Variants in ROR2 observed in about 807,000 individuals in gnomAD.
ROR2 encodes the protein ROR family WNT receptor 2, also known as tyrosine-protein kinase transmembrane receptor ROR2.
Under a neutral mutation model 74.9 loss-of-function variants are expected in ROR2, and 33 were observed. That is an observed-to-expected ratio of 0.44 (90% CI 0.33 to 0.59). ROR2 has a LOEUF of 0.59. Among genes scored for constraint, ROR2 ranks in the 20% least tolerant of loss-of-function variants. The probability of loss-of-function intolerance (pLI) is 0.02; values close to 1 mark genes in which losing one functional copy is unlikely to be tolerated. For missense variants in ROR2, 1,216 were observed against 1,313.8 expected (o/e 0.93, Z 1.15); for synonymous variants, 586 against 558.7 (o/e 1.05, Z -0.69).
At chr9:91,807,669 G>C (rs1827611172) in intron 1 of ROR2, among the ~76,000 whole-genome samples, 1 of 152,158 alleles carries the variant, frequency 6.6e-6, no homozygotes, top group African/African-American at 2.4e-5. Flanking sequence ...AGTGTCTAAA[G>C]TGGACTGGAG....
chr9:91,786,193 GGT>G (rs1292727689), intron 1 of ROR2, among the ~76,000 whole-genome samples: 2 of 148,982 alleles, frequency 1.3e-5, no homozygotes, highest in African/African-American at 4.9e-5. Flanking sequence ...CAGGTATGGT[GGT>G]GTGCATTTGT....
At chr9:91,906,367 C>T (rs1386949957) in intron 1 of ROR2, among the ~76,000 whole-genome samples, 1 of 152,196 alleles carries the variant, frequency 6.6e-6, no homozygotes, top group Non-Finnish European at 1.5e-5. Flanking sequence ...GGAAAGTCTG[C>T]GCATTTGAGG....
intron 1 of ROR2, among the ~76,000 whole-genome samples, chr9:91,826,050 G>A (rs7852044): frequency 6.6e-6 from 1 of 152,180 alleles, no homozygotes; most frequent in Non-Finnish European, 1.5e-5. Flanking sequence ...AAGGAATGTC[G>A]ATGTCTTATG....
In ROR2 at chr9:91,757,357, G is replaced by T; in HGVS notation, c.378C>A (p.Asp126Glu). The part of the protein sequence containing the change: ...YGSRLRIQDL[D>E]TTDTGYYQCV... ...ACTGGTAGTAGCCAGTGTCTGTCGT[G>T]TCCAGGTCCTGGATTCGCAGTCGTG... The change falls in exon 3 of 9, where the codon GAC becomes GAA. Residue 126 changes from aspartate to glutamate, a missense_variant. Transcript: ENST00000375708. The T allele has an allele frequency of 6.2e-7, 1 of 1,613,978 alleles. No homozygotes were observed.
At chr9:91,734,302 C>A (rs1473690479) in intron 5 of ROR2, among the ~76,000 whole-genome samples, 1 of 152,174 alleles carries the variant, frequency 6.6e-6, no homozygotes, top group Non-Finnish European at 1.5e-5. Flanking sequence ...TGGCTTACAA[C>A]AATTGAGCTT....
chr9:91,753,874 T>C (rs1825661933), intron 4 of ROR2, among the ~76,000 whole-genome samples: 1 of 152,240 alleles, frequency 6.6e-6, no homozygotes. Flanking sequence ...TATTGTCAAA[T>C]AGCACTCCAG....
intron 1 of ROR2, among the ~76,000 whole-genome samples, chr9:91,827,616 G>A (rs1409469867): frequency 6.6e-6 from 1 of 152,170 alleles, no homozygotes; most frequent in African/African-American, 2.4e-5. Flanking sequence ...GGAGCAGGGG[G>A]TGGGTTCAGG....
chr9:91,826,177 C>G (rs993525590), intron 1 of ROR2, among the ~76,000 whole-genome samples: 10 of 152,190 alleles, frequency 6.6e-5, no homozygotes, highest in African/African-American at 1.9e-4. Flanking sequence ...CTTCAGTTTT[C>G]TCATCTACAG....
chr9:91,855,213 A>G (rs1174103714), intron 1 of ROR2, among the ~76,000 whole-genome samples: 3 of 152,184 alleles, frequency 2.0e-5, no homozygotes, highest in Admixed American at 2.0e-4. Context: ...AGGCTGGAGG[A>G]AGCTCCTGCT....
At position 91,724,052 on chromosome 9, in the gene ROR2, C is replaced by T. The variant is rs185808139; in HGVS notation, c.2442G>A (p.Pro814=). ...MKGQIRPMVP[P]PQLYVPVNGY... is the part of the protein sequence containing the mutation. Reference sequence around the variant, plus strand: ...CGTTGACGGGGACGTAGAGCTGCGGCGGGGGCACCATGGGTCTGATCTGGC... The same window carrying T: ...CGTTGACGGGGACGTAGAGCTGCGGTGGGGGCACCATGGGTCTGATCTGGC... The change falls in exon 9 of 9, where the codon CCG becomes CCA. Residue 814 remains proline (P), a synonymous_variant. Transcript: ENST00000375708. 4.5e-5 allele frequency: 72 copies of T among 1,610,930 alleles called. No individual in the cohort carries two copies. The African/African-American group carries it at 7.1e-4, about 16-fold the overall frequency.
chr9:91,772,650 T>C (rs1360116359), intron 2 of ROR2, among the ~76,000 whole-genome samples: 1 of 152,228 alleles, frequency 6.6e-6, no homozygotes, highest in Non-Finnish European at 1.5e-5. Flanking sequence ...GGGCCACCTT[T>C]AGCGTCCGTG....
At chr9:91,942,585 A>C (rs1206394100) in intron 1 of ROR2, among the ~76,000 whole-genome samples, 1 of 151,806 alleles carries the variant, frequency 6.6e-6, no homozygotes, top group Non-Finnish European at 1.5e-5. Flanking sequence ...CCTCCCACTT[A>C]GGTTTTGTAG....
At chr9:91,891,900 T>C (rs952391103) in intron 1 of ROR2, among the ~76,000 whole-genome samples, 4 of 151,950 alleles carry the variant, frequency 2.6e-5, no homozygotes, top group Admixed American at 6.5e-5. Context: ...ATACAAAAAT[T>C]AGCCAGGCGT....
chr9:91,948,615 G>A, intron 1 of ROR2: 1 of 985,478 alleles, frequency 1.0e-6, no homozygotes, highest in Non-Finnish European at 1.2e-6. Flanking sequence ...ACCTTGGGCC[G>A]GCTAGGGCGG....
rs150775867 is a variant in ROR2 at position 91,763,540 on chromosome 9, C to A, written c.176-5981G>T. On this transcript the variant is annotated intron_variant, in intron 2 of 8. Coordinates refer to ENST00000375708, the MANE Select transcript of ROR2 (RefSeq NM_004560.4). ...TAGGTGCTGCGCTACAGTTTTAGTTCGCATCTTATGAATTCCTCGTGAGCT... is the reference window on the plus strand; with the variant it reads ...TAGGTGCTGCGCTACAGTTTTAGTTAGCATCTTATGAATTCCTCGTGAGCT... 5.3e-3 allele frequency among the ~76,000 whole-genome samples: 809 copies of A among 152,250 alleles called. 7 individuals are homozygous for A. Among genetic ancestry groups the A allele is most frequent in the South Asian group, 0.04 (192 of 4,830 alleles).
intron 4 of ROR2, among the ~76,000 whole-genome samples, chr9:91,738,411 G>C (rs533859046): frequency 1.2e-4 from 18 of 152,248 alleles, no homozygotes; most frequent in Admixed American, 1.2e-3. Context: ...AGGGTACACG[G>C]GGATGGGTAT....
In ROR2 at chr9:91,724,912, G is replaced by T. The variant is rs1448877786; in HGVS notation, c.1582C>A (p.Arg528=). 1.2e-6 allele frequency: 2 copies of T among 1,609,080 alleles called. No individual in the cohort carries two copies. The highest frequency in any genetic ancestry group is 8.5e-7 in the Non-Finnish European group (1 of 1,176,280). The change falls in exon 9 of 9, where the codon CGA becomes AGA. Residue 528 remains arginine (R), a synonymous_variant. Coordinates refer to ENST00000375708, the MANE Select transcript of ROR2 (RefSeq NM_004560.4). ...REEFRHEAML[R]ARLQHPNVVC... is the part of the protein sequence containing the mutation. ...ACGTTGGGGTGTTGCAGCCGTGCTC[G>T]CAGCATAGCCTCATGCCGGAACTCC... is the stretch of plus-strand genomic sequence containing the variant.
chr9:91,899,028 C>T (rs1317778612), intron 1 of ROR2, among the ~76,000 whole-genome samples: 3 of 152,156 alleles, frequency 2.0e-5, no homozygotes, highest in East Asian at 3.9e-4. Context: ...GAGAGGGCAG[C>T]GGAAATGGCA....
At chr9:91,936,593 A>G (rs1289208050) in intron 1 of ROR2, among the ~76,000 whole-genome samples, 3 of 152,178 alleles carry the variant, frequency 2.0e-5, no homozygotes, top group African/African-American at 7.2e-5. Flanking sequence ...CTTTTGAGCA[A>G]TTCAACCAAT....
Sources: allele counts gnomAD v4.1 joint callset (sites outside exome capture counted in the v4.1 genomes callset), GRCh38; gene constraint gnomAD v4.1.1; transcripts MANE v1.5; gene names NCBI Gene and HGNC (gene_info 2026-07-23, HGNC 2026-07-21).